MROH7: variants seen among roughly 807,000 people sequenced by gnomAD.
The protein encoded by MROH7 is maestro heat like repeat family member 7, also known as maestro heat-like repeat-containing protein family member 7.
A neutral mutation model predicts 129.2 loss-of-function variants in MROH7; 113 were observed. The observed-to-expected ratio is 0.87, with a 90% CI of 0.75 to 1.02. MROH7 has a LOEUF of 1.02. Among genes scored for constraint, MROH7 ranks in the 50% least tolerant of loss-of-function variants. The probability of loss-of-function intolerance (pLI) is 0.00; values close to 1 mark genes in which losing one functional copy is unlikely to be tolerated. For missense variants in MROH7, 1,601 were observed against 1,671.3 expected (o/e 0.96, Z 0.73); for synonymous variants, 655 against 667.9 (o/e 0.98, Z 0.30).
At chr1:54,667,433 C>A (rs1644830729) in intron 4 of MROH7, among the ~76,000 whole-genome samples, 2 of 151,604 alleles carry the variant, frequency 1.3e-5, no homozygotes. Context: ...CCAACCTGGG[C>A]AACATCGTGA....
At chr1:54,683,075 T>A (rs763951050) in intron 14 of MROH7, among the ~76,000 whole-genome samples, 1 of 152,128 alleles carries the variant, frequency 6.6e-6, no homozygotes, top group Non-Finnish European at 1.5e-5. Flanking sequence ...TGGTGGCACA[T>A]GCCTGTAATC....
chr1:54,678,802 T>C lies in MROH7; in HGVS notation c.1997T>C (p.Leu666Pro). 1.9e-6 allele frequency: 3 copies of C among 1,614,086 alleles called. No individual in the cohort carries two copies. Among genetic ancestry groups the C allele is most frequent in the South Asian group, 1.1e-5 (1 of 91,062 alleles). Residue 666 changes from leucine to proline, a missense_variant, in exon 11 of 24, where the codon CTG becomes CCG. Leu to Pro is a moderately conservative substitution (Grantham distance 98, BLOSUM62 -3). Transcript: ENST00000421030. The stretch of plus-strand genomic sequence containing the variant: ...CTATATGAGAGCAACAAGCATTTCC[T>C]GGGGCCCTACAACCCTGTGAGCCCG... ...KELYESNKHF[L>P]GPYNPVSPCQ... is the part of the protein sequence containing the mutation.
In MROH7 at chr1:54,680,043, C is replaced by T. The variant is rs1156324383; in HGVS notation, c.2379C>T (p.Asn793=). 6.2e-7 allele frequency: 1 copy of T among 1,613,608 alleles called. No individual in the cohort carries two copies. Among genetic ancestry groups the T allele is most frequent in the Non-Finnish European group, 8.5e-7 (1 of 1,179,764 alleles). ...VALLMCPLPL[N]SNGAEMWRQL... ...TGCTCATGTGCCCCCTCCCACTGAACAGGTACCAAGTGAAGGGGTTCCCAG... is the reference window on the plus strand; with the variant it reads ...TGCTCATGTGCCCCCTCCCACTGAATAGGTACCAAGTGAAGGGGTTCCCAG... The change falls in exon 13 of 24, where the codon AAC becomes AAT. Residue 793 remains asparagine (N), a splice_region_variant and synonymous_variant. Coordinates refer to ENST00000421030, the MANE Select transcript of MROH7 (RefSeq NM_001039464.4).
intron 14 of MROH7, among the ~76,000 whole-genome samples, chr1:54,685,428 T>C (rs1192505869): frequency 2.6e-5 from 4 of 152,216 alleles, no homozygotes. Flanking sequence ...CGGATGATGA[T>C]CAGTGACTCC....
chr1:54,647,364 C>T (rs1438624573), intron 1 of MROH7, among the ~76,000 whole-genome samples: 1 of 151,882 alleles, frequency 6.6e-6, no homozygotes, highest in East Asian at 1.9e-4. Context: ...AATCCCAGCA[C>T]TTTGGAGAGG....
At chr1:54,702,290 C>T in intron 20 of MROH7, 45 bp downstream of exon 20, 1 of 1,371,894 alleles carries the variant, frequency 7.3e-7, no homozygotes, top group Non-Finnish European at 9.5e-7. Flanking sequence ...CCCTCGGGTC[C>T]TGTGGGCGCA....
intron 13 of MROH7, 65 bp downstream of exon 13, chr1:54,680,110 T>G: frequency 6.6e-7 from 1 of 1,519,606 alleles, no homozygotes; most frequent in Non-Finnish European, 9.1e-7. Context: ...CACCCCAGGT[T>G]GGGGACCCCC....
chr1:54,695,458 C>A lies in MROH7; in HGVS notation c.2932C>A (p.His978Asn). 6.2e-7 allele frequency: 1 copy of A among 1,613,888 alleles called. No individual in the cohort carries two copies. Among genetic ancestry groups the A allele is most frequent in the South Asian group, 1.1e-5 (1 of 90,952 alleles). ...IPLLERGDEK[H>N]RITATAFFVE... The stretch of plus-strand genomic sequence containing the variant: ...GCTCCTGGAGCGAGGCGACGAGAAG[C>A]ACAGGATCACGGCCACCGCCTTCTT... Residue 978 changes from histidine to asparagine, a missense_variant, in exon 17 of 24, where the codon CAC becomes AAC. By Grantham distance (68) the His-to-Asn change is moderately conservative. Coordinates refer to ENST00000421030, the MANE Select transcript of MROH7 (RefSeq NM_001039464.4).
intron 3 of MROH7, among the ~76,000 whole-genome samples, chr1:54,659,870 G>C (rs544580819): frequency 6.6e-6 from 1 of 152,226 alleles, no homozygotes; most frequent in African/African-American, 2.4e-5. Context: ...CCATTGTATG[G>C]ATATACCACA....
At chr1:54,649,800 C>T (rs1644527960) in intron 1 of MROH7, among the ~76,000 whole-genome samples, 1 of 152,222 alleles carries the variant, frequency 6.6e-6, no homozygotes, top group South Asian at 2.1e-4. Flanking sequence ...AAGATTCACG[C>T]TCCTCCTTAA....
rs1247010037 is a variant in MROH7, at chr1:54,678,727, GT to G, written c.1937-13del. The G allele has an allele frequency of 6.9e-6, 11 of 1,583,970 alleles. No individual in the cohort carries two copies. Among genetic ancestry groups the G allele is most frequent in the Non-Finnish European group, 9.5e-6 (11 of 1,152,900 alleles). ...AGGGAGATCCGGCCTCACTGAGAAGGTTCTCATCTTGCAGGAGCCAGAGATA... is the reference window on the plus strand; with the variant it reads ...AGGGAGATCCGGCCTCACTGAGAAGGTCTCATCTTGCAGGAGCCAGAGATA... On this transcript the variant is annotated splice_polypyrimidine_tract_variant and intron_variant, in intron 10 of 23. Transcript: ENST00000421030.
At chr1:54,647,841 G>A (rs1569847510) in intron 1 of MROH7, among the ~76,000 whole-genome samples, 1 of 149,204 alleles carries the variant, frequency 6.7e-6, no homozygotes, top group South Asian at 2.1e-4. Context: ...GGAGGTGGAG[G>A]TTGCAGTGAG....
intron 16 of MROH7, among the ~76,000 whole-genome samples, chr1:54,693,654 C>G (rs564453537): frequency 6.6e-6 from 1 of 152,260 alleles, no homozygotes; most frequent in African/African-American, 2.4e-5. Flanking sequence ...AGGCCATGCA[C>G]AGCTTCCCAC....
At chr1:54,709,150 G>A in intron 23 of MROH7, 74 bp downstream of exon 23, 1 of 1,395,054 alleles carries the variant, frequency 7.2e-7, no homozygotes, top group Non-Finnish European at 1.0e-6. Context: ...GGGTAACAGG[G>A]AAAGGGAAGG....
intron 1 of MROH7, chr1:54,651,657 T>A (rs891277349): frequency 6.6e-6 from 1 of 152,246 alleles, no homozygotes; most frequent in Non-Finnish European, 1.5e-5. Context: ...ATCCTAAAGA[T>A]AACAGGAAGC....
chr1:54,693,258 G>C (rs991357792), intron 16 of MROH7, among the ~76,000 whole-genome samples: 1 of 152,144 alleles, frequency 6.6e-6, no homozygotes, highest in African/African-American at 2.4e-5. Flanking sequence ...TGGGTCTGCA[G>C]AGGCAACATA....
Position 54,668,908 on chromosome 1 carries a change from G to C in MROH7, c.1360G>C (p.Glu454Gln), listed in dbSNP as rs1460590033. 1 of 1,595,034 alleles carries C rather than the reference G, an allele frequency of 6.3e-7. No individual in the cohort carries two copies. Among genetic ancestry groups the C allele is most frequent in the Admixed American group, 1.7e-5 (1 of 59,416 alleles). The change falls in exon 5 of 24, where the codon GAA becomes CAA. Residue 454 changes from glutamate to glutamine, a missense_variant. Glu to Gln is a conservative substitution (Grantham distance 29, BLOSUM62 2). Transcript: ENST00000421030. ...CCAGGATCTGCTGGAGGCAGAAGGA[G>C]AAAAGAAGACCATGATAAAGAAGAT... ...KSQDLLEAEG[E>Q]KKTMIKKIMR...
chr1:54,702,366 A>C, intron 20 of MROH7, 121 bp downstream of exon 20: 1 of 965,254 alleles, frequency 1.0e-6, no homozygotes. Context: ...ATGTCCAGCC[A>C]TGTCTGTTTT....
chr1:54,702,716 C>G lies in MROH7; in HGVS notation c.3535C>G (p.Gln1179Glu). 2 of 1,613,560 alleles carry G rather than the reference C, an allele frequency of 1.2e-6. No homozygotes were observed. The highest frequency in any genetic ancestry group is 8.5e-7 in the Non-Finnish European group (1 of 1,179,766). ...YSRKPWDNQQ[Q>E]TVAKICKCLV... Reference sequence around the variant, plus strand: ...CCGGAAGCCCTGGGACAACCAACAGCAGACAGTGGCCAAAATTTGCAAGTG... The same window carrying G: ...CCGGAAGCCCTGGGACAACCAACAGGAGACAGTGGCCAAAATTTGCAAGTG... The change falls in exon 21 of 24, where the codon CAG becomes GAG. Residue 1179 changes from glutamine to glutamate, a missense_variant. Coordinates refer to ENST00000421030, the MANE Select transcript of MROH7 (RefSeq NM_001039464.4).
Sources: gnomAD v4.1 joint callset for allele counts (sites outside exome capture counted in the v4.1 genomes callset) on GRCh38, gnomAD v4.1.1 for gene constraint, MANE v1.5 for transcripts, NCBI Gene and HGNC (gene_info 2026-07-23, HGNC 2026-07-21) for gene names.